Variants in LEKR1 observed in about 807,000 individuals in gnomAD.
LEKR1 encodes leucine, glutamate and lysine rich 1.
A neutral mutation model predicts 72.4 loss-of-function variants in LEKR1; 59 were observed. The observed-to-expected ratio is 0.82, with a 90% CI of 0.66 to 1.01. LEKR1 has a LOEUF of 1.01. Ranked by LOEUF, LEKR1 falls within the 50% of genes least tolerant of loss-of-function variation. LEKR1 has a pLI of 0.00. For synonymous variants in LEKR1, 257 were observed against 263.2 expected, an observed-to-expected ratio of 0.98 and a Z score of 0.23; for missense variants, 728 against 759.2, an observed-to-expected ratio of 0.96 and a Z score of 0.48.
At chr3:156,862,749 A>G (rs2108542784) in intron 3 of LEKR1, among the ~76,000 whole-genome samples, 1 of 152,154 alleles carries the variant, frequency 6.6e-6, no homozygotes, top group South Asian at 2.1e-4. Flanking sequence ...GCTCTCCCAC[A>G]ATTAATTCCA....
chr3:156,935,580 CTTAAA>C (rs1725619365), intron 5 of LEKR1, among the ~76,000 whole-genome samples: 3 of 152,122 alleles, frequency 2.0e-5, no homozygotes, highest in Admixed American at 1.3e-4. Flanking sequence ...TAATCTATAT[CTTAAA>C]TTTAAGTATA....
intron 7 of LEKR1, among the ~76,000 whole-genome samples, chr3:156,981,759 G>A (rs573378413): frequency 3.3e-5 from 5 of 152,290 alleles, no homozygotes; most frequent in African/African-American, 4.8e-5. Flanking sequence ...GTGTGGCTTC[G>A]CCATTTTTGT....
chr3:157,015,746 G>T (rs1013994033), intron 10 of LEKR1, among the ~76,000 whole-genome samples: 2 of 152,012 alleles, frequency 1.3e-5, no homozygotes, highest in African/African-American at 4.8e-5. Context: ...AATAAAAACT[G>T]ACCCAGAAAG....
At position 156,878,595 on chromosome 3, in the gene LEKR1, A is replaced by G. The variant is rs574598191; in HGVS notation, c.263+25613A>G. On this transcript the variant is annotated intron_variant, in intron 3 of 12. Coordinates refer to ENST00000356539, the MANE Select transcript of LEKR1 (RefSeq NM_001004316.3). The stretch of plus-strand genomic sequence containing the variant: ...CCATGTGCTGAAGAAAAGAATATAT[A>G]TTCTGCAGTTGTTGGGTAGAATATT... Among the ~76,000 whole-genome samples, 103 of 152,304 alleles carry G rather than the reference A, an allele frequency of 6.8e-4. 3 individuals are homozygous for G. In the South Asian group the frequency reaches 0.021, roughly 31 times the overall value.
chr3:156,937,170 CAAG>C (rs1310139672), intron 5 of LEKR1, among the ~76,000 whole-genome samples: 2 of 143,648 alleles, frequency 1.4e-5, no homozygotes, highest in Non-Finnish European at 3.0e-5. Context: ...ACAAGAACAG[CAAG>C]AACAACAACA....
At chr3:156,882,675 T>C (rs1488574242) in intron 3 of LEKR1, among the ~76,000 whole-genome samples, 1 of 152,164 alleles carries the variant, frequency 6.6e-6, no homozygotes, top group East Asian at 1.9e-4. Context: ...GGACTATAAA[T>C]CATGCTGTTA....
At chr3:156,967,224 T>A (rs551050893) in intron 6 of LEKR1, among the ~76,000 whole-genome samples, 2 of 152,194 alleles carry the variant, frequency 1.3e-5, no homozygotes, top group East Asian at 3.9e-4. Context: ...AGAACACCTC[T>A]CCTCCTCCAA....
chr3:156,856,615 A>T (rs1322146172), intron 3 of LEKR1, among the ~76,000 whole-genome samples: 5 of 152,114 alleles, frequency 3.3e-5, no homozygotes, highest in African/African-American at 1.2e-4. Context: ...ATGTTCTTTA[A>T]ATCCTTCAAT....
At chr3:156,987,514 A>C (rs182751345) in intron 7 of LEKR1, among the ~76,000 whole-genome samples, 53 of 152,358 alleles carry the variant, frequency 3.5e-4, no homozygotes, top group African/African-American at 1.1e-3. Context: ...TTTGTAAAAG[A>C]AACATTTTTG....
chr3:156,917,165 A>G (rs2108571120), intron 3 of LEKR1, among the ~76,000 whole-genome samples: 1 of 152,250 alleles, frequency 6.6e-6, no homozygotes, highest in South Asian at 2.1e-4. Flanking sequence ...AGCAGAAGTT[A>G]AAACTTTAAT....
intron 3 of LEKR1, among the ~76,000 whole-genome samples, chr3:156,905,150 T>C (rs990212555): frequency 1.4e-4 from 21 of 152,236 alleles, no homozygotes; most frequent in African/African-American, 5.1e-4. Context: ...TTTTAGAAGA[T>C]AATGTTGGAA....
chr3:156,889,955 T>C (rs1284578339), intron 3 of LEKR1, among the ~76,000 whole-genome samples: 4 of 152,218 alleles, frequency 2.6e-5, no homozygotes, highest in African/African-American at 4.8e-5. Flanking sequence ...AATCTCAGCT[T>C]GGGCACTTGC....
At chr3:156,847,153 G>A (rs1301931593) in intron 2 of LEKR1, among the ~76,000 whole-genome samples, 1 of 152,222 alleles carries the variant, frequency 6.6e-6, no homozygotes, top group Non-Finnish European at 1.5e-5. Context: ...TGGGCAGCAG[G>A]AAGGTACTAA....
intron 1 of LEKR1, chr3:156,826,951 T>C (rs1214710400): frequency 6.4e-6 from 1 of 155,450 alleles, no homozygotes; most frequent in East Asian, 1.9e-4. Context: ...GTGTCTGCAT[T>C]TTAAAAAATG....
At chr3:157,024,535 C>G (rs996814596) in intron 10 of LEKR1, among the ~76,000 whole-genome samples, 1 of 152,136 alleles carries the variant, frequency 6.6e-6, no homozygotes, top group Admixed American at 6.6e-5. Context: ...TGTAACTCCT[C>G]TACTAATTTT....
At chr3:156,904,832 A>T (rs1722384648) in intron 3 of LEKR1, among the ~76,000 whole-genome samples, 1 of 151,730 alleles carries the variant, frequency 6.6e-6, no homozygotes, top group Admixed American at 6.6e-5. Context: ...TTTTTTTATT[A>T]AGTCAGGGTT....
At chr3:157,005,189 C>A (rs925143172) in intron 9 of LEKR1, among the ~76,000 whole-genome samples, 1 of 151,994 alleles carries the variant, frequency 6.6e-6, no homozygotes, top group African/African-American at 2.4e-5. Flanking sequence ...AACTTTATGT[C>A]ATTAATTTTG....
intron 3 of LEKR1, among the ~76,000 whole-genome samples, chr3:156,877,452 G>GT (rs1315607416): frequency 6.6e-6 from 1 of 151,900 alleles, no homozygotes; most frequent in Non-Finnish European, 1.5e-5. Flanking sequence ...TCCTGGATGT[G>GT]TTTTTTTGTT....
chr3:156,883,878 C>T (rs1373725817), intron 3 of LEKR1, among the ~76,000 whole-genome samples: 3 of 152,130 alleles, frequency 2.0e-5, no homozygotes, highest in Non-Finnish European at 4.4e-5. Context: ...TAGTGGAGTA[C>T]TGAAGTCCTC....
Sources: gnomAD v4.1 joint callset for allele counts (sites outside exome capture counted in the v4.1 genomes callset) on GRCh38, gnomAD v4.1.1 for gene constraint, MANE v1.5 for transcripts, NCBI Gene and HGNC (gene_info 2026-07-23, HGNC 2026-07-21) for gene names.